ARL6IP5: variants seen among roughly 807,000 people sequenced by gnomAD.
ARL6IP5 encodes the protein PRA1 family protein 3.
Under a neutral mutation model 13.0 loss-of-function variants are expected in ARL6IP5, and 6 were observed. The observed-to-expected ratio is 0.46, with a 90% CI of 0.25 to 0.91. The LOEUF is 0.91. Among genes scored for constraint, ARL6IP5 ranks in the 40% least tolerant of loss-of-function variants. The pLI, the probability that ARL6IP5 is intolerant of heterozygous loss-of-function variation, is 0.17. For missense variants in ARL6IP5, 208 were observed against 248.8 expected (o/e 0.84, Z 1.10); for synonymous variants, 91 against 91.9 (o/e 0.99, Z 0.06).
At chr3:69,088,057 T>G (rs1280021120) in intron 1 of ARL6IP5, among the ~76,000 whole-genome samples, 4 of 151,484 alleles carry the variant, frequency 2.6e-5, no homozygotes, top group Non-Finnish European at 5.9e-5. Flanking sequence ...AAACTGTTAC[T>G]TTTTTTTTAT....
At chr3:69,091,365 C>T (rs1410273008) in intron 1 of ARL6IP5, among the ~76,000 whole-genome samples, 3 of 152,120 alleles carry the variant, frequency 2.0e-5, no homozygotes, top group Non-Finnish European at 4.4e-5. Flanking sequence ...GCAGTCATGG[C>T]TCACTACAGC....
At chr3:69,089,139 C>T (rs1270740993) in intron 1 of ARL6IP5, among the ~76,000 whole-genome samples, 1 of 152,178 alleles carries the variant, frequency 6.6e-6, no homozygotes, top group African/African-American at 2.4e-5. Context: ...CTGAGAGGCA[C>T]TGGATTGGTC....
intron 1 of ARL6IP5, 93 bp downstream of exon 1, chr3:69,085,316 A>C: frequency 6.9e-7 from 1 of 1,446,474 alleles, no homozygotes; most frequent in Non-Finnish European, 9.3e-7. Context: ...ACGCTCTCTG[A>C]CCACGCTCAG....
intron 1 of ARL6IP5, among the ~76,000 whole-genome samples, chr3:69,091,155 A>G (rs1392525236): frequency 1.3e-5 from 2 of 152,194 alleles, no homozygotes; most frequent in Non-Finnish European, 2.9e-5. Context: ...CCAAGAACGC[A>G]CGCCACTGCA....
intron 1 of ARL6IP5, among the ~76,000 whole-genome samples, chr3:69,088,392 TC>T (rs1179862496): frequency 6.6e-6 from 1 of 152,200 alleles, no homozygotes; most frequent in Non-Finnish European, 1.5e-5. Context: ...CAACAATGGT[TC>T]CATCCCCTGC....
rs1468586084 is a variant in ARL6IP5, at chr3:69,085,308, G to C, written c.176+85G>C. 3.4e-6 allele frequency: 5 copies of C among 1,469,666 alleles called. No homozygotes were observed. The East Asian group carries it at 9.2e-5, about 27-fold the overall frequency. The allele number at this position is 1,469,666 out of a possible 1,614,324, so 91.0% of individuals were successfully genotyped here. A position where few individuals can be genotyped will look rare whatever the true frequency, so the allele number is the denominator to read the frequency against. ...GTGCAAGATCCCGGGATGTAGAGAC[G>C]CTCTCTGACCACGCTCAGCGCCTGC... is the stretch of plus-strand genomic sequence containing the variant. On this transcript the variant is annotated intron_variant, in intron 1 of 2. Transcript: ENST00000273258.
At chr3:69,085,527 C>T (rs2092245111) in intron 1 of ARL6IP5, among the ~76,000 whole-genome samples, 1 of 152,234 alleles carries the variant, frequency 6.6e-6, no homozygotes, top group Non-Finnish European at 1.5e-5. Flanking sequence ...CGCCCGCGTG[C>T]CAGGATCGGG....
chr3:69,104,646 AC>A lies in ARL6IP5; in HGVS notation c.*12del. 1.9e-6 allele frequency: 3 copies of A among 1,611,648 alleles called. No individual in the cohort carries two copies. The highest frequency in any genetic ancestry group is 2.5e-6 in the Non-Finnish European group (3 of 1,178,636). ...CAAAGTGAAGGAATAAACATAACTTACCTGAGCTAGGGTTGCAGCAGAAATT... is the reference window on the plus strand; with the variant it reads ...CAAAGTGAAGGAATAAACATAACTTACTGAGCTAGGGTTGCAGCAGAAATT... On this transcript the variant is annotated 3_prime_UTR_variant, in exon 3 of 3. Transcript: ENST00000273258.
chr3:69,086,648 C>T (rs73835715), intron 1 of ARL6IP5, among the ~76,000 whole-genome samples: 19,639 of 152,084 alleles, frequency 0.13, 1,503 homozygotes, highest in East Asian at 0.27. Flanking sequence ...AGGCCCAAGG[C>T]CTGAGGCAGC....
intron 1 of ARL6IP5, among the ~76,000 whole-genome samples, chr3:69,092,385 T>C (rs1172582596): frequency 6.6e-6 from 1 of 152,202 alleles, no homozygotes; most frequent in Non-Finnish European, 1.5e-5. Context: ...GAAGTCTGTG[T>C]TACCAAGCTC....
chr3:69,099,130 G>T lies in ARL6IP5; in HGVS notation c.177-2709G>T, dbSNP rs993199408. Among the ~76,000 whole-genome samples, 106 of 96,384 alleles carry T rather than the reference G, an allele frequency of 1.1e-3. 2 individuals are homozygous for T. Among genetic ancestry groups the T allele is most frequent in the African/African-American group, 5.9e-3 (101 of 17,224 alleles). The allele number at this position is 96,384 out of a possible 152,430, so 63.2% of individuals were successfully genotyped here. On this transcript the variant is annotated intron_variant, in intron 1 of 2. Coordinates refer to ENST00000273258, the MANE Select transcript of ARL6IP5 (RefSeq NM_006407.4). ...ATAGCACTTTGGGAGGCTGAGGGGCGGGGGGGGTGGGGGGTGGATCACATG... is the reference window on the plus strand; with the variant it reads ...ATAGCACTTTGGGAGGCTGAGGGGCTGGGGGGGTGGGGGGTGGATCACATG...
At position 69,084,948 on chromosome 3, in the gene ARL6IP5, C is replaced by T. The variant is rs1395999491; in HGVS notation, c.-100C>T. ...GCTGTCTGCCAACCGCAAAGCCGAC[C>T]GAGACGGAGCCGCTGTCAACTCTCC... On this transcript the variant is annotated 5_prime_UTR_variant, in exon 1 of 3. Transcript: ENST00000273258. 6.8e-7 allele frequency: 1 copy of T among 1,463,360 alleles called. No homozygotes were observed. Among genetic ancestry groups the T allele is most frequent in the Non-Finnish European group, 9.2e-7 (1 of 1,089,374 alleles). The allele number at this position is 1,463,360 out of a possible 1,614,324, so 90.6% of individuals were successfully genotyped here. A position where few individuals can be genotyped will look rare whatever the true frequency, so the allele number is the denominator to read the frequency against.
At chr3:69,103,964 A>G (rs1364670145) in intron 2 of ARL6IP5, among the ~76,000 whole-genome samples, 1 of 152,202 alleles carries the variant, frequency 6.6e-6, no homozygotes, top group Non-Finnish European at 1.5e-5. Flanking sequence ...AGATTTTTAC[A>G]TCTAGAATTC....
chr3:69,101,867 G>A lies in ARL6IP5; in HGVS notation c.205G>A (p.Gly69Arg), dbSNP rs763432332. 1.2e-6 allele frequency: 2 copies of A among 1,613,672 alleles called. No homozygotes were observed. Among genetic ancestry groups the A allele is most frequent in the Non-Finnish European group, 1.7e-6 (2 of 1,179,888 alleles). Residue 69 changes from glycine (G) to arginine (R), a missense_variant, in exon 2 of 3, where the codon GGA becomes AGA. By Grantham distance (125) the Gly-to-Arg change is moderately radical (BLOSUM62 -2). Coordinates refer to ENST00000273258, the MANE Select transcript of ARL6IP5 (RefSeq NM_006407.4). ...TCTGAGTCCCTTCAACATGATCCTG[G>A]GAGGAATCGTGGTGGTGCTGGTGTT... ...GFLSPFNMILGGIVVVLVFTG... is the reference protein window; with the variant it reads ...GFLSPFNMILRGIVVVLVFTG...
chr3:69,087,416 G>A (rs900667467), intron 1 of ARL6IP5, among the ~76,000 whole-genome samples: 1 of 151,878 alleles, frequency 6.6e-6, no homozygotes, highest in African/African-American at 2.4e-5. Context: ...TGGTGATCTA[G>A]TTATGGAGGT....
chr3:69,088,960 C>T (rs1323337174), intron 1 of ARL6IP5, among the ~76,000 whole-genome samples: 1 of 152,158 alleles, frequency 6.6e-6, no homozygotes, highest in Non-Finnish European at 1.5e-5. Context: ...AATGGAATGC[C>T]AAATGATTTG....
chr3:69,101,316 C>CTTTTTT (rs549402201), intron 1 of ARL6IP5, among the ~76,000 whole-genome samples: 6 of 119,446 alleles, frequency 5.0e-5, no homozygotes, highest in South Asian at 6.0e-4. Context: ...TCAGCTCCAC[C>CTTTTTT]TTTTTTTTTT....
chr3:69,096,319 T>TTTTTCATTGTTCCTTGTCCTGGAC (rs2092286953), intron 1 of ARL6IP5, among the ~76,000 whole-genome samples: 1 of 152,160 alleles, frequency 6.6e-6, no homozygotes, highest in African/African-American at 2.4e-5. Flanking sequence ...TAGGCCTGGA[T>TTTTTCATTGTTCCTTGTCCTGGAC]TTTTCATTGT....
chr3:69,085,239 C>T lies in ARL6IP5; in HGVS notation c.176+16C>T. The stretch of plus-strand genomic sequence containing the variant: ...CCATTGTGGGGTAAGTGGGGTCCCC[C>T]TACCCGGGACACCGATCCGGGGCGA... On this transcript the variant is annotated intron_variant, in intron 1 of 2. Transcript: ENST00000273258. 3 of 1,604,456 alleles carry T rather than the reference C, an allele frequency of 1.9e-6. No homozygotes were observed. The highest frequency in any genetic ancestry group is 2.6e-6 in the Non-Finnish European group (3 of 1,173,048).
Sources: gnomAD v4.1 joint callset for allele counts (sites outside exome capture counted in the v4.1 genomes callset) on GRCh38, gnomAD v4.1.1 for gene constraint, MANE v1.5 for transcripts, NCBI Gene and HGNC (gene_info 2026-07-23, HGNC 2026-07-21) for gene names.